Variants in ACTR3C observed in about 807,000 individuals in gnomAD.
The protein encoded by ACTR3C is actin related protein 3C, also known as actin-related protein 3C.
A neutral mutation model predicts 26.3 loss-of-function variants in ACTR3C; 18 were observed. That is an observed-to-expected ratio of 0.68 (90% CI 0.47 to 1.01). ACTR3C has a LOEUF of 1.01. Ranked by LOEUF, ACTR3C falls within the 50% of genes least tolerant of loss-of-function variation. The pLI, the probability that ACTR3C is intolerant of heterozygous loss-of-function variation, is 0.00. For missense variants in ACTR3C, 184 were observed against 250.7 expected (o/e 0.73, Z 1.80); for synonymous variants, 55 against 94.5 (o/e 0.58, Z 2.42).
the ACTR3C span, among the ~76,000 whole-genome samples, chr7:150,034,544 T>C: frequency 3.3e-3 from 427 of 129,450 alleles, 2 homozygotes; most frequent in South Asian, 9.8e-3. Context: ...GTCTACAAAA[T>C]CCCACAGCTC....
chr7:149,996,107 CAGAG>C, the ACTR3C span, among the ~76,000 whole-genome samples: 1 of 152,164 alleles, frequency 6.6e-6, no homozygotes, highest in Non-Finnish European at 1.5e-5. Context: ...TGGGACCAGA[CAGAG>C]AAAGATCACA....
the ACTR3C span, among the ~76,000 whole-genome samples, chr7:150,180,460 G>C: frequency 1.3e-4 from 20 of 149,214 alleles, 1 homozygote; most frequent in African/African-American, 5.1e-4. Context: ...TATTAGTATA[G>C]ATATAAAAAG....
chr7:150,321,074 C>G (rs778343997), intron 1 of ACTR3C, among the ~76,000 whole-genome samples: 24 of 152,306 alleles, frequency 1.6e-4, no homozygotes, highest in Non-Finnish European at 2.9e-4. Flanking sequence ...AAGAATCCTG[C>G]TGAGTCAGTT....
At chr7:149,962,188 A>G in the ACTR3C span, among the ~76,000 whole-genome samples, 4 of 152,052 alleles carry the variant, frequency 2.6e-5, no homozygotes, top group Admixed American at 2.6e-4. Context: ...AAGAAGTGTG[A>G]GCTCACAGGA....
the ACTR3C span, among the ~76,000 whole-genome samples, chr7:150,186,456 T>A: frequency 6.6e-6 from 1 of 152,174 alleles, no homozygotes; most frequent in Non-Finnish European, 1.5e-5. Flanking sequence ...CATGTTTGTG[T>A]TATAATCCAA....
chr7:150,149,393 G>C, the ACTR3C span, among the ~76,000 whole-genome samples: 1 of 151,552 alleles, frequency 6.6e-6, no homozygotes, highest in South Asian at 2.1e-4. Context: ...TGTGCACAAC[G>C]TGCAGGTTTA....
chr7:150,231,194 G>A, the ACTR3C span, among the ~76,000 whole-genome samples: 7 of 151,716 alleles, frequency 4.6e-5, no homozygotes, highest in South Asian at 2.1e-4. Context: ...TATTTAGATC[G>A]TGCGATATTT....
At chr7:150,278,570 G>A (rs1470186064) in intron 6 of ACTR3C, among the ~76,000 whole-genome samples, 1 of 152,226 alleles carries the variant, frequency 6.6e-6, no homozygotes, top group Non-Finnish European at 1.5e-5. Flanking sequence ...GGTGCTCACT[G>A]ACATTACTCG....
chr7:150,310,429 C>G (rs549470273), intron 1 of ACTR3C, among the ~76,000 whole-genome samples: 1 of 152,178 alleles, frequency 6.6e-6, no homozygotes, highest in Non-Finnish European at 1.5e-5. Context: ...ATTCTCCTTA[C>G]AACTCCCCTA....
the ACTR3C span, among the ~76,000 whole-genome samples, chr7:149,937,205 A>T: frequency 8.7e-4 from 1 of 1,144 alleles, no homozygotes; most frequent in Non-Finnish European, 0.019. Context: ...TTGTGCTACA[A>T]ATTCTTTATG....
At chr7:150,291,439 A>T (rs79021898) in intron 3 of ACTR3C, among the ~76,000 whole-genome samples, 1 of 152,236 alleles carries the variant, frequency 6.6e-6, no homozygotes, top group Non-Finnish European at 1.5e-5. Context: ...CCAAAAAAAA[A>T]GAAAAAGAGC....
At chr7:150,104,938 C>T in the ACTR3C span, among the ~76,000 whole-genome samples, 1 of 151,934 alleles carries the variant, frequency 6.6e-6, no homozygotes. Flanking sequence ...ATTACCTTTT[C>T]TCAATTACAC....
the ACTR3C span, chr7:150,073,993 TGAA>T: frequency 6.6e-6 from 1 of 152,280 alleles, no homozygotes; most frequent in Admixed American, 6.5e-5. Context: ...CAAGGACACT[TGAA>T]GAAGTCACGT....
At chr7:150,077,096 C>T in the ACTR3C span, among the ~76,000 whole-genome samples, 3 of 152,024 alleles carry the variant, frequency 2.0e-5, no homozygotes, top group African/African-American at 4.8e-5. Context: ...ACCCAGGAGG[C>T]GGAGGTTGCA....
At chr7:150,251,089 T>G (rs1316838856) in intron 6 of ACTR3C, among the ~76,000 whole-genome samples, 49 of 152,184 alleles carry the variant, frequency 3.2e-4, no homozygotes, top group Non-Finnish European at 1.5e-4. Flanking sequence ...ACCTGGCATA[T>G]AGTAGTCACT....
chr7:150,045,749 T>A, the ACTR3C span, among the ~76,000 whole-genome samples: 3 of 152,146 alleles, frequency 2.0e-5, no homozygotes, highest in African/African-American at 4.8e-5. Context: ...TAAGATTTTT[T>A]AAAAAAAGAT....
intron 6 of ACTR3C, among the ~76,000 whole-genome samples, chr7:150,257,873 GT>G (rs1187136898): frequency 6.6e-6 from 1 of 152,010 alleles, no homozygotes; most frequent in African/African-American, 2.4e-5. Flanking sequence ...AATAAGTTTG[GT>G]GGTGGCTCTT....
the ACTR3C span, among the ~76,000 whole-genome samples, chr7:149,991,233 C>A: frequency 2.0e-5 from 3 of 152,170 alleles, no homozygotes; most frequent in South Asian, 2.1e-4. Flanking sequence ...GAAAGACCCA[C>A]CCCCATGAAT....
At chr7:150,015,022 A>T in the ACTR3C span, among the ~76,000 whole-genome samples, 1 of 152,216 alleles carries the variant, frequency 6.6e-6, no homozygotes, top group Non-Finnish European at 1.5e-5. Flanking sequence ...CCCCTATGAT[A>T]CAATGGCTCT....
Sources: gnomAD v4.1 joint callset for allele counts (sites outside exome capture counted in the v4.1 genomes callset) on GRCh38, gnomAD v4.1.1 for gene constraint, MANE v1.5 for transcripts, NCBI Gene and HGNC (gene_info 2026-07-23, HGNC 2026-07-21) for gene names.